PPFIA2: variants seen among roughly 807,000 people sequenced by gnomAD.
The protein encoded by PPFIA2 is liprin-alpha-2.
In PPFIA2, 46 loss-of-function variants were observed where a neutral mutation model predicts 175.5. The ratio of observed to expected loss-of-function variants is 0.26; its 90% CI spans 0.21 to 0.34. The LOEUF (loss-of-function observed/expected upper bound fraction) is 0.34, where lower values mean the gene tolerates loss of function less well. Ranked by LOEUF, PPFIA2 falls within the 10% of genes least tolerant of loss-of-function variation. The probability of loss-of-function intolerance (pLI) is 1.00; values close to 1 mark genes in which losing one functional copy is unlikely to be tolerated. For missense variants in PPFIA2, 1,179 were observed against 1,506.1 expected, an observed-to-expected ratio of 0.78 and a Z score of 3.60; for synonymous variants, 568 against 511.4, an observed-to-expected ratio of 1.11 and a Z score of -1.49.
rs141771177 is a variant in PPFIA2 at position 81,607,922 on chromosome 12, T to A, written c.303+68869A>T. On this transcript the variant is annotated intron_variant, in intron 4 of 32. Transcript: ENST00000549396. The stretch of plus-strand genomic sequence containing the variant: ...TTTTGCTCATTCAGTATGATGTTGG[T>A]TGTGTGTTTGTTAAAGATGGCTCTT... 5.3e-4 allele frequency among the ~76,000 whole-genome samples: 80 copies of A among 152,084 alleles called. 1 individual carries two copies. In the Middle Eastern group the frequency reaches 0.01, roughly 19 times the overall value.
chr12:81,308,380 C>T (rs926490158), intron 22 of PPFIA2, among the ~76,000 whole-genome samples: 1 of 152,098 alleles, frequency 6.6e-6, no homozygotes, highest in Non-Finnish European at 1.5e-5. Context: ...TACATATTGA[C>T]ACACATTTGC....
At chr12:81,545,151 G>A (rs769630233) in intron 4 of PPFIA2, among the ~76,000 whole-genome samples, 1 of 151,766 alleles carries the variant, frequency 6.6e-6, no homozygotes, top group African/African-American at 2.4e-5. Context: ...ATACACATAT[G>A]CATGCTACAC....
chr12:81,530,113 A>G (rs1438571263), intron 4 of PPFIA2, among the ~76,000 whole-genome samples: 4 of 152,012 alleles, frequency 2.6e-5, no homozygotes, highest in Non-Finnish European at 4.4e-5. Context: ...GTTTTATTGG[A>G]ACACAGCCAT....
intron 4 of PPFIA2, among the ~76,000 whole-genome samples, chr12:81,522,011 A>T (rs2063215421): frequency 6.6e-6 from 1 of 152,188 alleles, no homozygotes; most frequent in Admixed American, 6.5e-5. Context: ...TACCTATTGG[A>T]ATAAAGATGA....
rs184325962 is a variant in PPFIA2 at position 81,692,869 on chromosome 12, C to T, written c.250-16025G>A. Among the ~76,000 whole-genome samples the T allele has an allele frequency of 4.0e-3, 599 of 151,358 alleles. 5 individuals carry two copies. The highest frequency in any genetic ancestry group is 0.013 in the African/African-American group (546 of 41,260). On this transcript the variant is annotated intron_variant, in intron 3 of 32. Coordinates refer to ENST00000549396, the MANE Select transcript of PPFIA2 (RefSeq NM_003625.5). The stretch of plus-strand genomic sequence containing the variant: ...TAAATTCTAGGTGGAGTTTTGATAC[C>T]CTAAAGCCATATAACTATCAATAAA...
intron 11 of PPFIA2, among the ~76,000 whole-genome samples, chr12:81,374,029 T>C (rs1255342933): frequency 6.6e-6 from 1 of 152,086 alleles, no homozygotes; most frequent in Admixed American, 6.6e-5. Flanking sequence ...AACATTATAA[T>C]GCTTGTAAAA....
chr12:81,755,266 A>G (rs1182157071), intron 2 of PPFIA2, among the ~76,000 whole-genome samples: 1 of 152,294 alleles, frequency 6.6e-6, no homozygotes, highest in East Asian at 1.9e-4. Context: ...ATCAGAAATT[A>G]TCTCATTTTC....
chr12:81,739,500 T>C (rs746851144), intron 3 of PPFIA2, among the ~76,000 whole-genome samples: 1 of 152,076 alleles, frequency 6.6e-6, no homozygotes, highest in Non-Finnish European at 1.5e-5. Flanking sequence ...TTAGAACTGA[T>C]TTTATCTCCT....
chr12:81,633,533 G>A (rs1399876753), intron 4 of PPFIA2, among the ~76,000 whole-genome samples: 2 of 150,796 alleles, frequency 1.3e-5, no homozygotes, highest in African/African-American at 4.9e-5. Flanking sequence ...GGCTAGGTTA[G>A]GCAGGACAGC....
rs187840261 is a variant in PPFIA2 at position 81,642,239 on chromosome 12, C to A, written c.303+34552G>T. On this transcript the variant is annotated intron_variant, in intron 4 of 32. Transcript: ENST00000549396. ...TATATACACACAAAAGCTTACATAT[C>A]TGAAAGTTAAAGAGGTAAAACAAAA... Among the ~76,000 whole-genome samples the A allele has an allele frequency of 2.2e-4, 33 of 151,950 alleles. No homozygotes were observed. In the East Asian group the frequency reaches 5.8e-3, roughly 27 times the overall value.
chr12:81,671,643 A>G (rs556591977), intron 4 of PPFIA2, among the ~76,000 whole-genome samples: 29 of 152,106 alleles, frequency 1.9e-4, no homozygotes, highest in African/African-American at 7.0e-4. Context: ...AGTATAAAGT[A>G]CAAATTCCTT....
chr12:81,687,248 A>G (rs1449140366), intron 3 of PPFIA2, among the ~76,000 whole-genome samples: 1 of 152,048 alleles, frequency 6.6e-6, no homozygotes, highest in Admixed American at 6.6e-5. Flanking sequence ...TTCCATTGTC[A>G]TCATACATTT....
Position 81,266,974 on chromosome 12 carries a change from C to T in PPFIA2, c.3533G>A (p.Gly1178Glu). ...TACTTCATCCAGTCGCCTTTCAGTT[C>T]CCAGGGCCAAGAGGTTATTGTATTC... Reference protein sequence around the residue: ...EREYNNLLALGTERRLDESDD... With the variant: ...EREYNNLLALETERRLDESDD... Residue 1178 changes from glycine (G) to glutamate (E), a missense_variant, in exon 30 of 33, where the codon GGA (glycine) becomes GAA (glutamate). Coordinates refer to ENST00000549396, the MANE Select transcript of PPFIA2 (RefSeq NM_003625.5). 1 of 1,613,052 alleles carries T rather than the reference C, an allele frequency of 6.2e-7. No homozygotes were observed. The highest frequency in any genetic ancestry group is 8.5e-7 in the Non-Finnish European group (1 of 1,179,340).
intron 8 of PPFIA2, among the ~76,000 whole-genome samples, chr12:81,391,471 T>C (rs774774419): frequency 5.3e-5 from 8 of 151,876 alleles, no homozygotes; most frequent in African/African-American, 1.2e-4. Flanking sequence ...GGGTACCAGA[T>C]AGAATGACAA....
At chr12:81,368,694 T>C (rs750972498) in intron 13 of PPFIA2, 31 bp downstream of exon 13, 5 of 1,585,656 alleles carry the variant, frequency 3.2e-6, no homozygotes, top group Non-Finnish European at 4.3e-6. Flanking sequence ...TTGCAAAATA[T>C]TCATGTGATT....
chr12:81,402,625 G>A (rs1243858604), intron 8 of PPFIA2, among the ~76,000 whole-genome samples: 1 of 152,098 alleles, frequency 6.6e-6, no homozygotes, highest in African/African-American at 2.4e-5. Flanking sequence ...AGGCCGAGGT[G>A]GGCAGATTGC....
chr12:81,362,011 AT>A (rs2030801800), intron 15 of PPFIA2, among the ~76,000 whole-genome samples: 1 of 104,638 alleles, frequency 9.6e-6, no homozygotes, highest in African/African-American at 4.5e-5. Flanking sequence ...CTATGTATCT[AT>A]CTATCTATCT....
intron 4 of PPFIA2, among the ~76,000 whole-genome samples, chr12:81,524,743 A>T (rs1157969049): frequency 6.6e-6 from 1 of 152,212 alleles, no homozygotes; most frequent in African/African-American, 2.4e-5. Context: ...TTTGAGAAGG[A>T]CATGCCTTTT....
intron 21 of PPFIA2, among the ~76,000 whole-genome samples, chr12:81,338,179 T>C (rs2057421340): frequency 6.6e-6 from 1 of 152,120 alleles, no homozygotes; most frequent in Non-Finnish European, 1.5e-5. Context: ...TGGAGTTGGG[T>C]ATTCCTTGCA....
Sources: allele counts gnomAD v4.1 joint callset (sites outside exome capture counted in the v4.1 genomes callset), GRCh38; gene constraint gnomAD v4.1.1; transcripts MANE v1.5; gene names NCBI Gene and HGNC (gene_info 2026-07-23, HGNC 2026-07-21).